TEKT4: variants seen among roughly 807,000 people sequenced by gnomAD.
TEKT4 encodes tektin-4.
Under a neutral mutation model 46.0 loss-of-function variants are expected in TEKT4, and 46 were observed. That is an observed-to-expected ratio of 1.00 (90% confidence interval 0.79 to 1.28). The LOEUF (loss-of-function observed/expected upper bound fraction) is 1.28. Ranked by LOEUF, TEKT4 falls within the 50% of genes most tolerant of loss-of-function variation. The pLI is 0.00. For synonymous variants in TEKT4, 325 were observed against 265.8 expected, an observed-to-expected ratio of 1.22 and a Z score of -2.17; for missense variants, 790 against 622.9, an observed-to-expected ratio of 1.27 and a Z score of -2.85.
intron 3 of TEKT4, 91 bp from the exon 4 acceptor site, chr2:94,874,685 T>C (rs1680750177): frequency 8.5e-6 from 10 of 1,182,472 alleles, no homozygotes; most frequent in Non-Finnish European, 1.2e-5. Flanking sequence ...TCCAGGAGCA[T>C]GGGGCGCGGA....
chr2:94,872,764 G>A (rs1680634673), intron 1 of TEKT4: 1 of 1,256,706 alleles, frequency 8.0e-7, no homozygotes, highest in African/African-American at 1.5e-5. Context: ...AAGAACCCTT[G>A]AGTCCCTCCC....
intron 1 of TEKT4, chr2:94,872,667 T>TC: frequency 4.4e-6 from 2 of 454,188 alleles, no homozygotes; most frequent in Non-Finnish European, 7.5e-6. Flanking sequence ...GCCTGGGGCC[T>TC]CCCTGAGAAC....
Position 94,872,016 on chromosome 2 carries a change from G to A in TEKT4, c.437G>A (p.Cys146Tyr). Residue 146 changes from cysteine to tyrosine, a missense_variant, in exon 1 of 6, where the codon TGC (cysteine) becomes TAC (tyrosine). Coordinates refer to ENST00000295201, the MANE Select transcript of TEKT4 (RefSeq NM_144705.4). Reference protein sequence around the residue: ...PFSITTDNLQCRERREHPNLV... With the variant: ...PFSITTDNLQYRERREHPNLV... Reference sequence around the variant, plus strand: ...TCCATCACCACTGACAACCTGCAGTGCCGTGAGCGCCGCGAGCACCCCAAC... The same window carrying A: ...TCCATCACCACTGACAACCTGCAGTACCGTGAGCGCCGCGAGCACCCCAAC... 1 of 1,578,906 alleles carries A rather than the reference G, an allele frequency of 6.3e-7. No homozygotes were observed. Among genetic ancestry groups the A allele is most frequent in the Non-Finnish European group, 8.6e-7 (1 of 1,163,320 alleles).
At position 94,873,572 on chromosome 2, in the gene TEKT4, A is replaced by T. The variant is rs782096907; in HGVS notation, c.551A>T (p.Gln184Leu). The change falls in exon 2 of 6, where the codon CAA becomes CTA. Residue 184 changes from glutamine (Q) to leucine (L), a missense_variant. Coordinates refer to ENST00000295201, the MANE Select transcript of TEKT4 (RefSeq NM_144705.4). ...IQELLKRTIM[Q>L]AVSQIRLNRE... ...GAGCTGCTGAAGAGAACCATCATGC[A>T]AGCAGTGAGCCAGATCCGGTGGGTA... 1.2e-6 allele frequency: 2 copies of T among 1,613,206 alleles called. No homozygotes were observed. The highest frequency in any genetic ancestry group is 8.5e-7 in the Non-Finnish European group (1 of 1,179,992).
Position 94,875,737 on chromosome 2 carries a change from G to C in TEKT4, c.1086G>C (p.Gln362His). The C allele has an allele frequency of 2.5e-6, 4 of 1,613,684 alleles. No homozygotes were observed. The Admixed American group carries it at 5.0e-5, about 20-fold the overall frequency. ...TGGAGCTGTGCCGTGACGCAGCCCA[G>C]TTCAGGTGCTGCCTGGGCCTCTGAG... ...PNMELCRDAA[Q>H]FRLLSEVEEL... The change falls in exon 5 of 6, where the codon CAG becomes CAC. Residue 362 changes from glutamine to histidine, a missense_variant. Physicochemically the swap from Gln to His is conservative, Grantham distance 24. Coordinates refer to ENST00000295201, the MANE Select transcript of TEKT4 (RefSeq NM_144705.4).
chr2:94,874,249 G>C (rs572838421), intron 3 of TEKT4, 141 bp downstream of exon 3: 2 of 877,896 alleles, frequency 2.3e-6, no homozygotes, highest in East Asian at 2.6e-5. Context: ...TCTGCCCCTG[G>C]CATGAGCAAG....
In TEKT4 at chr2:94,874,792, A is replaced by C; in HGVS notation, c.730A>C (p.Thr244Pro). ...TFQESASTPETRAKFTQDNLC... is the reference protein window; with the variant it reads ...TFQESASTPEPRAKFTQDNLC... ...GCCCCGCAGCGCCTCCACCCCGGAGACCCGGGCCAAGTTCACGCAGGACAA... is the reference window on the plus strand; with the variant it reads ...GCCCCGCAGCGCCTCCACCCCGGAGCCCCGGGCCAAGTTCACGCAGGACAA... Residue 244 changes from threonine to proline, a missense_variant, in exon 4 of 6, where the codon ACC becomes CCC. Physicochemically the swap from Thr to Pro is conservative, Grantham distance 38 (BLOSUM62 -1). Transcript: ENST00000295201. 6.3e-7 allele frequency: 1 copy of C among 1,587,068 alleles called. No homozygotes were observed. The highest frequency in any genetic ancestry group is 1.1e-5 in the South Asian group (1 of 87,736).
chr2:94,873,337 A>G (rs1323988951), intron 1 of TEKT4, 183 bp from the exon 2 acceptor site: 126 of 1,450,316 alleles, frequency 8.7e-5, no homozygotes, highest in Non-Finnish European at 1.1e-4. Context: ...ACAACGCACC[A>G]AGGAGAATGC....
chr2:94,875,609 C>A lies in TEKT4; in HGVS notation c.958C>A (p.Gln320Lys), dbSNP rs1553396227. ...GCAGACACTGCGGGAAATCACAGAT[C>A]AGGAACACAACGTGGCGGCACTGAA... ...LHKTLREITD[Q>K]EHNVAALKQA... Residue 320 changes from glutamine to lysine, a missense_variant, in exon 5 of 6, where the codon CAG (glutamine) becomes AAG (lysine). Physicochemically the swap from Gln to Lys is moderately conservative, Grantham distance 53 (BLOSUM62 1). Coordinates refer to ENST00000295201, the MANE Select transcript of TEKT4 (RefSeq NM_144705.4). 2 of 1,614,164 alleles carry A rather than the reference C, an allele frequency of 1.2e-6. No individual in the cohort carries two copies. The highest frequency in any genetic ancestry group is 2.2e-5 in the East Asian group (1 of 44,868).
At position 94,872,030 on chromosome 2, in the gene TEKT4, G is replaced by A. The variant is rs781841957; in HGVS notation, c.451G>A (p.Glu151Lys). The A allele has an allele frequency of 1.2e-5, 19 of 1,567,544 alleles. No individual in the cohort carries two copies. Among genetic ancestry groups the A allele is most frequent in the South Asian group, 7.0e-5 (6 of 85,734 alleles). The change falls in exon 1 of 6, where the codon GAG (glutamate) becomes AAG (lysine). Residue 151 changes from glutamate (E) to lysine (K), a missense_variant. Transcript: ENST00000295201. ...CAACCTGCAGTGCCGTGAGCGCCGC[G>A]AGCACCCCAACCTCGTGCGCGACCA... ...TDNLQCRERR[E>K]HPNLVRDHVE...
chr2:94,875,447 T>A, intron 4 of TEKT4, 141 bp from the exon 5 acceptor site: 1 of 1,293,854 alleles, frequency 7.7e-7, no homozygotes. Context: ...ATTGTTCCCC[T>A]CATCCACGCC....
At chr2:94,874,684 A>T (rs1553395753) in intron 3 of TEKT4, 92 bp from the exon 4 acceptor site, 1 of 1,173,814 alleles carries the variant, frequency 8.5e-7, no homozygotes, top group Admixed American at 2.6e-5. Context: ...CTCCAGGAGC[A>T]TGGGGCGCGG....
chr2:94,872,431 C>G, intron 1 of TEKT4: 1 of 408,546 alleles, frequency 2.4e-6, no homozygotes, highest in Non-Finnish European at 4.5e-6. Context: ...TGGGCCAGCA[C>G]TGCAGGTGTG....
chr2:94,874,132 A>C (rs782700542), intron 3 of TEKT4, 24 bp downstream of exon 3: 4 of 1,608,574 alleles, frequency 2.5e-6, no homozygotes, highest in Non-Finnish European at 2.5e-6. Context: ...CTGCCCCTGC[A>C]CTTGCCCTGG....
chr2:94,875,621 G>C lies in TEKT4; in HGVS notation c.970G>C (p.Val324Leu). Residue 324 changes from valine to leucine, a missense_variant, in exon 5 of 6, where the codon GTG becomes CTG. Val to Leu is a conservative substitution (Grantham distance 32). Coordinates refer to ENST00000295201, the MANE Select transcript of TEKT4 (RefSeq NM_144705.4). ...GGAAATCACAGATCAGGAACACAAC[G>C]TGGCGGCACTGAAGCAGGCCATCAA... ...LREITDQEHNVAALKQAIKDK... is the reference protein window; with the variant it reads ...LREITDQEHNLAALKQAIKDK... 6 of 1,614,164 alleles carry C rather than the reference G, an allele frequency of 3.7e-6. No individual in the cohort carries two copies. Among genetic ancestry groups the C allele is most frequent in the Non-Finnish European group, 5.1e-6 (6 of 1,180,010 alleles).
intron 2 of TEKT4, 32 bp from the exon 3 acceptor site, chr2:94,873,933 A>G: frequency 6.4e-7 from 1 of 1,555,966 alleles, no homozygotes; most frequent in Non-Finnish European, 8.7e-7. Flanking sequence ...CTCCCTGGGC[A>G]CACATCAAGG....
chr2:94,872,978 G>C, intron 1 of TEKT4: 1 of 1,289,486 alleles, frequency 7.8e-7, no homozygotes, highest in Non-Finnish European at 1.0e-6. Context: ...TGGCACACAA[G>C]GAAGTACCCA....
Position 94,871,842 on chromosome 2 carries a change from C to A in TEKT4, c.263C>A (p.Thr88Lys). Residue 88 changes from threonine (T) to lysine (K), a missense_variant, in exon 1 of 6, where the codon ACG (threonine) becomes AAG (lysine). Thr to Lys is a moderately conservative substitution (Grantham distance 78). Transcript: ENST00000295201. ...ALAQRTQQDSTRTVGERLQDT... is the reference protein window; with the variant it reads ...ALAQRTQQDSKRTVGERLQDT... ...GCGCAGCGCACGCAGCAAGACTCCA[C>A]GCGCACAGTGGGCGAGCGACTGCAG... The A allele has an allele frequency of 1.9e-6, 3 of 1,607,048 alleles. No homozygotes were observed. Among genetic ancestry groups the A allele is most frequent in the Non-Finnish European group, 2.5e-6 (3 of 1,177,904 alleles).
At chr2:94,876,255 C>A (rs1553396505) in intron 5 of TEKT4, among the ~76,000 whole-genome samples, 4 of 152,174 alleles carry the variant, frequency 2.6e-5, no homozygotes, top group Non-Finnish European at 5.9e-5. Context: ...AACTGGGGGC[C>A]TCCTTCCATC....
Sources: gnomAD v4.1 joint callset for allele counts (sites outside exome capture counted in the v4.1 genomes callset) on GRCh38, gnomAD v4.1.1 for gene constraint, MANE v1.5 for transcripts, NCBI Gene and HGNC (gene_info 2026-07-23, HGNC 2026-07-21) for gene names.